The following SLC49A4 variants were observed in gnomAD, a reference collection of about 807,000 sequenced individuals.
SLC49A4 encodes the protein disrupted in renal cancer protein 2.
SLC49A4 carries 36 observed loss-of-function variants against 50.6 expected under a neutral mutation model. That is an observed-to-expected ratio of 0.71 (90% CI 0.55 to 0.94). SLC49A4 has a LOEUF of 0.94. SLC49A4 is among the 40% of genes least tolerant of loss of function. The pLI is 0.00. For synonymous variants in SLC49A4, 248 were observed against 241.2 expected (o/e 1.03, Z -0.26); for missense variants, 503 against 605.7 (o/e 0.83, Z 1.78).
intron 3 of SLC49A4, among the ~76,000 whole-genome samples, chr3:122,829,123 TAAGAA>T (rs1210961867): frequency 6.6e-6 from 1 of 152,144 alleles, no homozygotes; most frequent in African/African-American, 2.4e-5. Context: ...AAAGGTAACA[TAAGAA>T]AAGTAAACTA....
chr3:122,860,313 C>T, intron 7 of SLC49A4, 111 bp downstream of exon 7: 1 of 1,130,230 alleles, frequency 8.8e-7, no homozygotes, highest in South Asian at 2.8e-5. Context: ...GTTAAATATA[C>T]AAAAAAGTTT....
At chr3:122,863,704 T>C (rs1396695109) in intron 7 of SLC49A4, among the ~76,000 whole-genome samples, 6 of 152,236 alleles carry the variant, frequency 3.9e-5, no homozygotes, top group Non-Finnish European at 7.3e-5. Flanking sequence ...CCTATTTTAA[T>C]CAGGAAAATA....
intron 1 of SLC49A4, 137 bp from the exon 2 acceptor site, chr3:122,806,720 T>TC: frequency 1.7e-6 from 1 of 602,466 alleles, no homozygotes; most frequent in Non-Finnish European, 2.9e-6. Context: ...TTTTTTTTTT[T>TC]TCCATTTTTA....
intron 4 of SLC49A4, among the ~76,000 whole-genome samples, chr3:122,843,120 G>T (rs985067718): frequency 1.3e-5 from 2 of 152,060 alleles, no homozygotes; most frequent in African/African-American, 4.8e-5. Context: ...TGCAGTATGT[G>T]TACTGTTTTG....
In SLC49A4 at chr3:122,811,556, A is replaced by G. The variant is rs78617700; in HGVS notation, c.437+4606A>G. 1.1e-3 allele frequency among the ~76,000 whole-genome samples: 171 copies of G among 152,310 alleles called. 1 individual carries two copies. Among genetic ancestry groups the G allele is most frequent in the Non-Finnish European group, 2.1e-3 (144 of 68,036 alleles). On this transcript the variant is annotated intron_variant, in intron 2 of 8. Transcript: ENST00000261038. ...ATATACATGTCTTTAACCTACACCT[A>G]TATTTGCACTTATAGAAAATTAGCC...
At chr3:122,819,673 T>C (rs1039608842) in intron 2 of SLC49A4, among the ~76,000 whole-genome samples, 1 of 152,212 alleles carries the variant, frequency 6.6e-6, no homozygotes, top group African/African-American at 2.4e-5. Flanking sequence ...ACCACCTCTA[T>C]TTCTCTTTTC....
chr3:122,833,598 C>T, intron 4 of SLC49A4, 152 bp downstream of exon 4: 1 of 748,628 alleles, frequency 1.3e-6, no homozygotes, highest in South Asian at 4.0e-5. Flanking sequence ...TTTTAGATTT[C>T]CTACCAGAAA....
intron 4 of SLC49A4, among the ~76,000 whole-genome samples, chr3:122,842,623 G>T (rs977176663): frequency 5.3e-5 from 8 of 152,008 alleles, no homozygotes; most frequent in Non-Finnish European, 8.8e-5. Flanking sequence ...GTCACTGAAG[G>T]ATTTTAAGCC....
At chr3:122,876,966 G>T (rs1381757712) in intron 8 of SLC49A4, among the ~76,000 whole-genome samples, 1 of 152,212 alleles carries the variant, frequency 6.6e-6, no homozygotes, top group Non-Finnish European at 1.5e-5. Flanking sequence ...CTGCCTTCAA[G>T]TGTGGATTTA....
At position 122,795,290 on chromosome 3, in the gene SLC49A4, C is replaced by CG. The variant is rs765683241; in HGVS notation, c.100dup (p.Ala34GlyfsTer111). On this transcript the variant is annotated frameshift_variant, in exon 1 of 9. Transcript: ENST00000261038. LOFTEE classifies it high-confidence loss of function. ...GCCTCCTGGAGAAGCCGGGAGGCGG[C>CG]GGCGGCGGCGCTGCCCGCGGCGGTC... 1 of 1,422,586 alleles carries CG rather than the reference C, an allele frequency of 7.0e-7. No individual in the cohort carries two copies. Among genetic ancestry groups the CG allele is most frequent in the Non-Finnish European group, 9.1e-7 (1 of 1,101,312 alleles). 88.1% of individuals were successfully genotyped at this position (1,422,586 alleles called of 1,614,324 possible). A position where few individuals can be genotyped will look rare whatever the true frequency, so the allele number is the denominator to read the frequency against.
intron 2 of SLC49A4, among the ~76,000 whole-genome samples, chr3:122,822,067 T>C (rs1302742674): frequency 6.6e-6 from 1 of 152,152 alleles, no homozygotes; most frequent in East Asian, 1.9e-4. Flanking sequence ...GAGTGAGGCC[T>C]GTGGGGACTG....
chr3:122,845,607 GT>G (rs35604258), intron 4 of SLC49A4, among the ~76,000 whole-genome samples, 155 bp from the exon 5 acceptor site: 1,409 of 97,430 alleles, frequency 0.014, 9 homozygotes, highest in South Asian at 0.036. Flanking sequence ...TTTCCAGCAC[GT>G]TTTTTTTTTT....
intron 2 of SLC49A4, among the ~76,000 whole-genome samples, chr3:122,818,201 A>G (rs140148043): frequency 1.8e-3 from 279 of 152,346 alleles, no homozygotes; most frequent in African/African-American, 6.4e-3. Flanking sequence ...ATAATATCAC[A>G]AAACCATTAA....
At chr3:122,795,594 C>T (rs1936018541) in intron 1 of SLC49A4, 59 bp downstream of exon 1, 5 of 1,534,248 alleles carry the variant, frequency 3.3e-6, no homozygotes, top group African/African-American at 1.4e-5. Context: ...GGCGCCTGCC[C>T]GCGCTCCAGG....
intron 8 of SLC49A4, among the ~76,000 whole-genome samples, chr3:122,878,349 C>T (rs1023395778): frequency 2.6e-5 from 4 of 152,096 alleles, no homozygotes; most frequent in South Asian, 2.1e-4. Flanking sequence ...CTCTTTATGC[C>T]GAGGAGCTAT....
intron 5 of SLC49A4, among the ~76,000 whole-genome samples, chr3:122,849,297 A>G (rs1412338858): frequency 2.0e-5 from 3 of 152,172 alleles, no homozygotes; most frequent in Non-Finnish European, 4.4e-5. Flanking sequence ...CTGATTTTAT[A>G]TACTGATTTT....
At chr3:122,801,779 G>A (rs1293748792) in intron 1 of SLC49A4, among the ~76,000 whole-genome samples, 1 of 152,144 alleles carries the variant, frequency 6.6e-6, no homozygotes, top group Non-Finnish European at 1.5e-5. Flanking sequence ...AAATCACCAA[G>A]TTTATGAAAG....
chr3:122,847,657 T>A (rs913887131), intron 5 of SLC49A4, among the ~76,000 whole-genome samples: 26 of 151,666 alleles, frequency 1.7e-4, no homozygotes, highest in African/African-American at 6.1e-4. Context: ...GTATACAATT[T>A]AAAAAAAAGT....
intron 3 of SLC49A4, among the ~76,000 whole-genome samples, chr3:122,832,416 G>A (rs1443095230): frequency 1.3e-5 from 2 of 152,108 alleles, no homozygotes; most frequent in African/African-American, 4.8e-5. Flanking sequence ...TTTTACTTCT[G>A]ATTGTTTAAT....
Sources: gnomAD v4.1 joint callset for allele counts (sites outside exome capture counted in the v4.1 genomes callset) on GRCh38, gnomAD v4.1.1 for gene constraint, MANE v1.5 for transcripts, NCBI Gene and HGNC (gene_info 2026-07-23, HGNC 2026-07-21) for gene names.